CPXM2: variants seen among roughly 807,000 people sequenced by gnomAD.
CPXM2 encodes the protein inactive carboxypeptidase-like protein X2.
CPXM2 carries 66 observed loss-of-function variants against 86.1 expected under a neutral mutation model. The ratio of observed to expected loss-of-function variants is 0.77; its 90% CI spans 0.63 to 0.94. The LOEUF is 0.94. CPXM2 is among the 40% of genes least tolerant of loss of function. The pLI, the probability that CPXM2 is intolerant of heterozygous loss-of-function variation, is 0.00. For missense variants in CPXM2, 948 were observed against 1,026.3 expected, an observed-to-expected ratio of 0.92 and a Z score of 1.04; for synonymous variants, 388 against 400.2, an observed-to-expected ratio of 0.97 and a Z score of 0.36.
intron 1 of CPXM2, 106 bp from the exon 2 acceptor site, chr10:123,880,415 G>A (rs1945063872): frequency 1.5e-6 from 1 of 669,484 alleles, no homozygotes; most frequent in East Asian, 2.6e-5. Context: ...CTCCCCTTCT[G>A]CTCCCCTGTC....
chr10:123,807,009 C>T (rs1227502789), intron 4 of CPXM2, among the ~76,000 whole-genome samples: 1 of 152,182 alleles, frequency 6.6e-6, no homozygotes, highest in Non-Finnish European at 1.5e-5. Flanking sequence ...TACTGAGCCC[C>T]AGCTGTAAGA....
intron 10 of CPXM2, 99 bp downstream of exon 10, chr10:123,766,874 A>C: frequency 1.0e-6 from 1 of 959,676 alleles, no homozygotes; most frequent in East Asian, 2.4e-5. Flanking sequence ...AGAAAAAAAC[A>C]GTTTTGTCTC....
intron 6 of CPXM2, among the ~76,000 whole-genome samples, chr10:123,781,663 A>G (rs1442444791): frequency 1.3e-5 from 2 of 152,220 alleles, no homozygotes; most frequent in African/African-American, 4.8e-5. Flanking sequence ...TATGTGGAGC[A>G]GCGAGGCCAG....
intron 2 of CPXM2, among the ~76,000 whole-genome samples, chr10:123,904,704 C>A (rs1482310627): frequency 1.3e-5 from 2 of 152,208 alleles, no homozygotes; most frequent in African/African-American, 4.8e-5. Context: ...GTCACTTCTG[C>A]TATTCATGAA....
At chr10:123,904,958 A>G (rs1488122941) in intron 2 of CPXM2, among the ~76,000 whole-genome samples, 1 of 32,524 alleles carries the variant, frequency 3.1e-5, no homozygotes, top group Non-Finnish European at 6.0e-5. Flanking sequence ...TCTGTGAAGC[A>G]CAAGTCCGTG....
chr10:123,801,134 T>TC (rs777852013), intron 4 of CPXM2, among the ~76,000 whole-genome samples: 8 of 152,158 alleles, frequency 5.3e-5, no homozygotes, highest in Non-Finnish European at 1.0e-4. Context: ...GAATTGTAGC[T>TC]CCCATAATCC....
chr10:123,913,692 G>A (rs554888739), intron 2 of CPXM2: 57 of 202,140 alleles, frequency 2.8e-4, no homozygotes, highest in Non-Finnish European at 5.0e-4. Context: ...GTGAGGAGAG[G>A]AAGGAAAGAC....
At chr10:123,788,473 C>T (rs1402417837) in intron 6 of CPXM2, among the ~76,000 whole-genome samples, 2 of 152,086 alleles carry the variant, frequency 1.3e-5, no homozygotes, top group African/African-American at 2.4e-5. Context: ...TGCCTGCCCA[C>T]GAAGGTGCCA....
At chr10:123,899,962 G>A (rs1945367695) in intron 2 of CPXM2, among the ~76,000 whole-genome samples, 6 of 152,164 alleles carry the variant, frequency 3.9e-5, no homozygotes. Context: ...CAAGATAAAA[G>A]ATTAATGTTC....
chr10:123,919,953 G>A (rs938334447), intron 2 of CPXM2, among the ~76,000 whole-genome samples: 2 of 152,098 alleles, frequency 1.3e-5, no homozygotes, highest in African/African-American at 4.8e-5. Flanking sequence ...AGATCTCATG[G>A]GAACTAACAG....
chr10:123,913,986 C>A, intron 2 of CPXM2: 1 of 485,514 alleles, frequency 2.1e-6, no homozygotes, highest in South Asian at 1.5e-5. Flanking sequence ...AGAGTCAGGC[C>A]ATTGCCAACC....
chr10:123,768,593 AC>A lies in CPXM2; in HGVS notation c.1231del (p.Val411TrpfsTer49), dbSNP rs1278834401. ...LARNARIVHL[V>X]EETRIHVLPS... is the part of the protein sequence containing the mutation. ...GAGGACGTGAATCCGCGTCTCCTCCACCAGGTGGACGATGCGCGCATTCCGG... is the reference window on the plus strand; with the variant it reads ...GAGGACGTGAATCCGCGTCTCCTCCACAGGTGGACGATGCGCGCATTCCGG... On this transcript the variant is annotated frameshift_variant, in exon 9 of 14. Coordinates refer to ENST00000241305, the MANE Select transcript of CPXM2 (RefSeq NM_198148.3). LOFTEE classifies it high-confidence loss of function. The A allele has an allele frequency of 2.5e-6, 4 of 1,614,032 alleles. No individual in the cohort carries two copies. Among genetic ancestry groups the A allele is most frequent in the Non-Finnish European group, 2.5e-6 (3 of 1,179,958 alleles).
At chr10:123,937,749 T>C (rs1945736376) in intron 2 of CPXM2, among the ~76,000 whole-genome samples, 1 of 152,164 alleles carries the variant, frequency 6.6e-6, no homozygotes, top group African/African-American at 2.4e-5. Flanking sequence ...AGGCAACTTT[T>C]ATTTTTCTTT....
intron 2 of CPXM2, among the ~76,000 whole-genome samples, chr10:123,920,556 G>A (rs975857668): frequency 7.9e-5 from 12 of 152,166 alleles, no homozygotes; most frequent in African/African-American, 2.7e-4. Flanking sequence ...AAAATAAAGT[G>A]TTTTTAGTGA....
intron 4 of CPXM2, among the ~76,000 whole-genome samples, chr10:123,830,872 C>CTCTCTGTGTGTGTGTGTG (rs1258897184): frequency 2.0e-4 from 29 of 142,798 alleles, no homozygotes; most frequent in African/African-American, 7.7e-4. Context: ...CTCTCTCTCT[C>CTCTCTGTGTGTGTGTGTG]TGTGTGTGTG....
At chr10:123,932,897 G>T (rs373914971) in intron 2 of CPXM2, among the ~76,000 whole-genome samples, 148 of 152,284 alleles carry the variant, frequency 9.7e-4, no homozygotes, top group African/African-American at 3.5e-3. Context: ...GGACTCACAT[G>T]GGGGAGAGCT....
In CPXM2 at chr10:123,891,472, G is replaced by A; in HGVS notation, c.188C>T (p.Ala63Val). The A allele has an allele frequency of 1.3e-6, 2 of 1,548,712 alleles. No homozygotes were observed. Among genetic ancestry groups the A allele is most frequent in the Non-Finnish European group, 8.7e-7 (1 of 1,145,808 alleles). The change falls in exon 1 of 14, where the codon GCG (alanine) becomes GTG (valine). Residue 63 changes from alanine (A) to valine (V), a missense_variant. Physicochemically the swap from Ala to Val is moderately conservative, Grantham distance 64. Transcript: ENST00000241305. The surrounding 1 kb of genome is among the most constrained non-coding windows in gnomAD (Gnocchi z 5.6). ...CCGCTCCCACTCCTCCCCGGGCCCCGCAGGCAGCGGCGGAGAGAAGGTCTC... is the reference window on the plus strand; with the variant it reads ...CCGCTCCCACTCCTCCCCGGGCCCCACAGGCAGCGGCGGAGAGAAGGTCTC... ...ELETFSPPLPAGPGEEWERRP... is the reference protein window; with the variant it reads ...ELETFSPPLPVGPGEEWERRP...
At chr10:123,870,174 G>A (rs115388408) in intron 2 of CPXM2, among the ~76,000 whole-genome samples, 2,431 of 140,860 alleles carry the variant, frequency 0.017, 67 homozygotes, top group African/African-American at 0.063. Flanking sequence ...CAGGGATGCC[G>A]AACACAGTTC....
chr10:123,836,883 T>TCC (rs145936611), intron 4 of CPXM2, among the ~76,000 whole-genome samples: 6,436 of 149,800 alleles, frequency 0.043, 227 homozygotes, highest in Non-Finnish European at 0.063. Flanking sequence ...ACCTGGATCT[T>TCC]CCCCCCAGGT....
Sources: gnomAD v4.1 joint callset for allele counts (sites outside exome capture counted in the v4.1 genomes callset) on GRCh38, gnomAD v4.1.1 for gene constraint, Gnocchi (gnomAD v3.1) non-coding constraint, MANE v1.5 for transcripts, NCBI Gene and HGNC (gene_info 2026-07-23, HGNC 2026-07-21) for gene names.